MROH9: variants seen among roughly 807,000 people sequenced by gnomAD.
MROH9 encodes maestro heat like repeat family member 9, also known as maestro heat-like repeat-containing protein family member 9.
In MROH9, 92 loss-of-function variants were observed where a neutral mutation model predicts 98.2. That is an observed-to-expected ratio of 0.94 (90% CI 0.79 to 1.11). The LOEUF (loss-of-function observed/expected upper bound fraction) is 1.11. Ranked by LOEUF, MROH9 falls within the 50% of genes most tolerant of loss-of-function variation. The pLI is 0.00. For missense variants in MROH9, 1,057 were observed against 1,014.8 expected, an observed-to-expected ratio of 1.04 and a Z score of -0.57; for synonymous variants, 397 against 368.9, an observed-to-expected ratio of 1.08 and a Z score of -0.87.
chr1:171,056,615 C>A (rs1332197725), intron 20 of MROH9, among the ~76,000 whole-genome samples: 1 of 152,160 alleles, frequency 6.6e-6, no homozygotes, highest in Non-Finnish European at 1.5e-5. Context: ...CACACCCCTG[C>A]ACCAAGGGTC....
At chr1:171,013,590 A>C (rs1209045634) in intron 15 of MROH9, among the ~76,000 whole-genome samples, 1 of 152,108 alleles carries the variant, frequency 6.6e-6, no homozygotes, top group Non-Finnish European at 1.5e-5. Context: ...TTTCTTTCCT[A>C]GTACTGACTA....
At chr1:170,938,431 C>T (rs1419672753) in intron 1 of MROH9, among the ~76,000 whole-genome samples, 1 of 152,184 alleles carries the variant, frequency 6.6e-6, no homozygotes, top group African/African-American at 2.4e-5. Context: ...ATTCAGTTTT[C>T]CGGAGAACCT....
chr1:171,056,336 G>T (rs1288207689), intron 20 of MROH9, among the ~76,000 whole-genome samples: 3 of 152,134 alleles, frequency 2.0e-5, no homozygotes, highest in African/African-American at 7.2e-5. Context: ...GGTCCCAAAA[G>T]GTGTCCCCAA....
intron 13 of MROH9, 105 bp downstream of exon 13, chr1:170,995,636 G>A: frequency 1.7e-5 from 21 of 1,253,564 alleles, no homozygotes; most frequent in South Asian, 1.2e-4. Flanking sequence ...TCCCATGTGC[G>A]GTGTGTTCAT....
At chr1:170,990,075 T>C in intron 11 of MROH9, 72 bp downstream of exon 11, 5 of 1,456,200 alleles carry the variant, frequency 3.4e-6, no homozygotes, top group Non-Finnish European at 4.6e-6. Flanking sequence ...TGGACCTGGG[T>C]TCAACTCTCA....
At chr1:171,042,079 A>G (rs1341614081) in intron 20 of MROH9, among the ~76,000 whole-genome samples, 1 of 151,996 alleles carries the variant, frequency 6.6e-6, no homozygotes, top group African/African-American at 2.4e-5. Flanking sequence ...AGTCTTACTC[A>G]TTCTTTGTAA....
intron 8 of MROH9, among the ~76,000 whole-genome samples, chr1:170,982,843 C>A (rs1424499882): frequency 2.6e-5 from 4 of 152,098 alleles, no homozygotes; most frequent in Non-Finnish European, 5.9e-5. Flanking sequence ...TGCAGTGAAC[C>A]CTGTTTGTAC....
At chr1:171,057,422 G>T (rs1465518930) in intron 20 of MROH9, among the ~76,000 whole-genome samples, 1 of 152,090 alleles carries the variant, frequency 6.6e-6, no homozygotes, top group African/African-American at 2.4e-5. Context: ...AGAGAAAAAA[G>T]AATGAAAAGG....
chr1:171,026,225 A>G (rs1167043896), intron 20 of MROH9, among the ~76,000 whole-genome samples: 1 of 151,424 alleles, frequency 6.6e-6, no homozygotes, highest in Non-Finnish European at 1.5e-5. Flanking sequence ...ACACACACAC[A>G]CACCCTCACA....
At chr1:170,996,131 C>T (rs1367574486) in intron 13 of MROH9, among the ~76,000 whole-genome samples, 1 of 152,106 alleles carries the variant, frequency 6.6e-6, no homozygotes, top group African/African-American at 2.4e-5. Flanking sequence ...TCTAAGATGA[C>T]ATACATCAAA....
chr1:170,953,150 G>A (rs189835161), intron 3 of MROH9, among the ~76,000 whole-genome samples: 1 of 152,040 alleles, frequency 6.6e-6, no homozygotes, highest in African/African-American at 2.4e-5. Flanking sequence ...TTAGAAACAT[G>A]TTTTCTTTCT....
chr1:170,941,940 G>T (rs1649135880), intron 1 of MROH9, among the ~76,000 whole-genome samples: 1 of 151,926 alleles, frequency 6.6e-6, no homozygotes, highest in African/African-American at 2.4e-5. Context: ...CTCCTCATTG[G>T]CCACTTTTTG....
intron 3 of MROH9, among the ~76,000 whole-genome samples, chr1:170,949,572 T>C (rs1221959259): frequency 1.3e-5 from 2 of 152,066 alleles, no homozygotes; most frequent in African/African-American, 4.8e-5. Flanking sequence ...AAGTGTACAA[T>C]TGAGGGCGGA....
At chr1:170,994,043 C>A (rs1651463171) in intron 12 of MROH9, among the ~76,000 whole-genome samples, 1 of 152,176 alleles carries the variant, frequency 6.6e-6, no homozygotes, top group South Asian at 2.1e-4. Context: ...CATGAAGATG[C>A]ATTGTCACTG....
intron 20 of MROH9, among the ~76,000 whole-genome samples, chr1:171,048,540 G>C (rs1557913312): frequency 6.6e-6 from 1 of 152,108 alleles, no homozygotes; most frequent in Non-Finnish European, 1.5e-5. Flanking sequence ...CACCCTTCAG[G>C]ACAGTGGCTT....
chr1:170,996,652 C>A lies in MROH9; in HGVS notation c.1475+8C>A. On this transcript the variant is annotated splice_region_variant and intron_variant, in intron 14 of 21. Transcript: ENST00000367759. ...AGTCTGCTTTATTGCTAAGTAAGAA[C>A]AGGGGTCTCTGTGTAGGATTCTTGG... The A allele has an allele frequency of 6.2e-7, 1 of 1,613,012 alleles. No individual in the cohort carries two copies. Among genetic ancestry groups the A allele is most frequent in the Non-Finnish European group, 8.5e-7 (1 of 1,179,322 alleles).
At chr1:171,005,345 A>C (rs935042210) in intron 15 of MROH9, among the ~76,000 whole-genome samples, 5 of 152,188 alleles carry the variant, frequency 3.3e-5, no homozygotes, top group African/African-American at 9.7e-5. Flanking sequence ...TGCTGGGATT[A>C]CAGGCATGAG....
chr1:170,972,234 C>G (rs778476826), intron 8 of MROH9, among the ~76,000 whole-genome samples: 1 of 152,112 alleles, frequency 6.6e-6, no homozygotes, highest in Admixed American at 6.6e-5. Flanking sequence ...ATCTGATAGA[C>G]TACTCAGAAG....
At position 171,024,683 on chromosome 1, in the gene MROH9, A is replaced by C. The variant is rs913794564; in HGVS notation, c.2096A>C (p.Gln699Pro). ...TATACATTAAAAATCTGTACCTCAC[A>C]ATTAAAGTGGTCAACATCACGTTTG... ...CKYTLKICTS[Q>P]LKWSTSRLLK... Residue 699 changes from glutamine (Q) to proline (P), a missense_variant, in exon 19 of 22, where the codon CAA (glutamine) becomes CCA (proline). Transcript: ENST00000367759. 1 of 1,551,086 alleles carries C rather than the reference A, an allele frequency of 6.4e-7. No individual in the cohort carries two copies. Among genetic ancestry groups the C allele is most frequent in the Non-Finnish European group, 8.7e-7 (1 of 1,146,698 alleles).
Sources: allele counts gnomAD v4.1 joint callset (sites outside exome capture counted in the v4.1 genomes callset), GRCh38; gene constraint gnomAD v4.1.1; transcripts MANE v1.5; gene names NCBI Gene and HGNC (gene_info 2026-07-23, HGNC 2026-07-21).